The following GRIA1 variants were observed in gnomAD, a reference collection of about 807,000 sequenced individuals.
The protein encoded by GRIA1 is glutamate receptor 1.
GRIA1 carries 31 observed loss-of-function variants against 99.2 expected under a neutral mutation model. The observed-to-expected ratio is 0.31, with a 90% CI of 0.23 to 0.42. GRIA1 has a LOEUF of 0.42. Among genes scored for constraint, GRIA1 ranks in the 10% least tolerant of loss-of-function variants. The pLI, the probability that GRIA1 is intolerant of heterozygous loss-of-function variation, is 1.00. For missense variants in GRIA1, 782 were observed against 1,157.5 expected (o/e 0.68, Z 4.71); for synonymous variants, 438 against 432.4 (o/e 1.01, Z -0.16).
intron 2 of GRIA1, among the ~76,000 whole-genome samples, chr5:153,590,608 A>G (rs1353154603): frequency 2.0e-5 from 3 of 151,602 alleles, no homozygotes; most frequent in African/African-American, 7.3e-5. Flanking sequence ...CTACAGGACT[A>G]CTTCTCTAAT....
At chr5:153,707,636 G>A (rs1561787574) in intron 11 of GRIA1, among the ~76,000 whole-genome samples, 1 of 152,078 alleles carries the variant, frequency 6.6e-6, no homozygotes. Context: ...GACATGTGCT[G>A]GAGGCATCTT....
chr5:153,577,224 A>G (rs17519306), intron 2 of GRIA1, among the ~76,000 whole-genome samples: 5,438 of 132,076 alleles, frequency 0.041, 182 homozygotes, highest in South Asian at 0.095. Context: ...CCTTGAGTGG[A>G]TTGATAGCTG....
intron 11 of GRIA1, among the ~76,000 whole-genome samples, chr5:153,719,940 C>G (rs1174367879): frequency 6.6e-6 from 1 of 152,208 alleles, no homozygotes; most frequent in African/African-American, 2.4e-5. Context: ...TGTGCTCTCT[C>G]TCTCCAAGTA....
intron 2 of GRIA1, among the ~76,000 whole-genome samples, chr5:153,516,855 A>C (rs1390587122): frequency 6.6e-6 from 1 of 152,200 alleles, no homozygotes; most frequent in East Asian, 1.9e-4. Flanking sequence ...GGAAAAACAA[A>C]AATCAAACAC....
At chr5:153,721,561 G>A (rs1462380727) in intron 11 of GRIA1, among the ~76,000 whole-genome samples, 1 of 152,152 alleles carries the variant, frequency 6.6e-6, no homozygotes, top group Non-Finnish European at 1.5e-5. Context: ...GATTTCTGAT[G>A]CATAGAGTAG....
chr5:153,608,682 T>G (rs1561685726), intron 2 of GRIA1, among the ~76,000 whole-genome samples: 1 of 152,208 alleles, frequency 6.6e-6, no homozygotes, highest in Non-Finnish European at 1.5e-5. Flanking sequence ...ATTATGAAAT[T>G]TATGTCTGTA....
chr5:153,686,117 T>C, intron 7 of GRIA1, 108 bp from the exon 8 acceptor site: 1 of 813,706 alleles, frequency 1.2e-6, no homozygotes, highest in Non-Finnish European at 2.1e-6. Context: ...CTCCAAGACA[T>C]CATTCCATGG....
intron 2 of GRIA1, among the ~76,000 whole-genome samples, chr5:153,618,631 A>G (rs1306131840): frequency 2.6e-5 from 4 of 152,200 alleles, no homozygotes; most frequent in Admixed American, 2.6e-4. Flanking sequence ...GAAAACAAAC[A>G]GAGCACCCTA....
chr5:153,711,991 T>C (rs1314537333), intron 11 of GRIA1, among the ~76,000 whole-genome samples: 2 of 152,104 alleles, frequency 1.3e-5, no homozygotes, highest in East Asian at 3.9e-4. Context: ...GGGGGAGTGA[T>C]GGTGCTTTGG....
chr5:153,804,769 T>A (rs970152641), intron 15 of GRIA1, among the ~76,000 whole-genome samples: 4 of 148,350 alleles, frequency 2.7e-5, no homozygotes, highest in African/African-American at 7.5e-5. Flanking sequence ...TTATTTATTT[T>A]GAGACAGAGT....
chr5:153,657,584 G>A (rs1288984157), intron 5 of GRIA1, among the ~76,000 whole-genome samples: 1 of 152,200 alleles, frequency 6.6e-6, no homozygotes, highest in Admixed American at 6.5e-5. Context: ...CTGGAGTAAA[G>A]TCTGTTAGTA....
intron 2 of GRIA1, among the ~76,000 whole-genome samples, chr5:153,623,534 T>TG (rs1235314081): frequency 5.3e-5 from 8 of 152,172 alleles, no homozygotes; most frequent in Admixed American, 6.5e-5. Context: ...AGTTTAACAG[T>TG]GAAAAACAAA....
intron 11 of GRIA1, among the ~76,000 whole-genome samples, chr5:153,738,225 T>C (rs1442242701): frequency 6.6e-6 from 1 of 152,228 alleles, no homozygotes; most frequent in East Asian, 1.9e-4. Context: ...CCATCAGTTA[T>C]TCTGGGAAAA....
chr5:153,535,576 G>A (rs1315977460), intron 2 of GRIA1, among the ~76,000 whole-genome samples: 1 of 152,204 alleles, frequency 6.6e-6, no homozygotes, highest in Non-Finnish European at 1.5e-5. Flanking sequence ...CATGTGTTTA[G>A]GTGAGTAATG....
intron 2 of GRIA1, among the ~76,000 whole-genome samples, chr5:153,500,632 C>T (rs1180704197): frequency 1.4e-5 from 2 of 147,972 alleles, no homozygotes; most frequent in African/African-American, 5.2e-5. Context: ...CACACACACA[C>T]ACACACACAC....
intron 3 of GRIA1, among the ~76,000 whole-genome samples, chr5:153,648,280 C>T (rs1039546145): frequency 1.3e-5 from 2 of 152,180 alleles, no homozygotes; most frequent in Non-Finnish European, 2.9e-5. Flanking sequence ...CAGACTGTGA[C>T]TATTGCAGGG....
At chr5:153,576,502 A>T (rs571492466) in intron 2 of GRIA1, among the ~76,000 whole-genome samples, 3 of 152,342 alleles carry the variant, frequency 2.0e-5, no homozygotes, top group South Asian at 4.1e-4. Context: ...TTCATTCAAC[A>T]GTCCTTTCTA....
At chr5:153,656,767 C>T (rs1397230051) in intron 5 of GRIA1, among the ~76,000 whole-genome samples, 1 of 152,096 alleles carries the variant, frequency 6.6e-6, no homozygotes, top group African/African-American at 2.4e-5. Flanking sequence ...AATATATTCA[C>T]AAAGTTATGA....
intron 2 of GRIA1, among the ~76,000 whole-genome samples, chr5:153,631,252 CCA>C (rs1170083113): frequency 6.6e-6 from 1 of 152,172 alleles, no homozygotes; most frequent in Admixed American, 6.5e-5. Flanking sequence ...TTTGGATTCA[CCA>C]CATTCTCCAC....
Sources: allele counts gnomAD v4.1 joint callset (sites outside exome capture counted in the v4.1 genomes callset), GRCh38; gene constraint gnomAD v4.1.1; transcripts MANE v1.5; gene names NCBI Gene and HGNC (gene_info 2026-07-23, HGNC 2026-07-21).